The following PBX1 variants were observed in gnomAD, a reference collection of about 807,000 sequenced individuals.
The protein encoded by PBX1 is PBX homeobox 1.
In PBX1, 6 loss-of-function variants were observed where a neutral mutation model predicts 53.4. That is an observed-to-expected ratio of 0.11 (90% CI 0.06 to 0.22). The LOEUF is 0.22. Ranked by LOEUF, PBX1 falls within the 10% of genes least tolerant of loss-of-function variation. The probability of loss-of-function intolerance (pLI) is 1.00; values close to 1 mark genes in which losing one functional copy is unlikely to be tolerated. For missense variants in PBX1, 251 were observed against 551.4 expected (o/e 0.46, Z 5.46); for synonymous variants, 204 against 212.3 (o/e 0.96, Z 0.34).
chr1:164,599,063 T>C (rs745786109), intron 2 of PBX1, among the ~76,000 whole-genome samples: 8 of 121,424 alleles, frequency 6.6e-5, no homozygotes, highest in East Asian at 2.3e-4. Context: ...GTCTCTTTTT[T>C]CCTCCTGATT....
chr1:164,741,739 A>AGTGTGTGTGT (rs57771496), intron 2 of PBX1, among the ~76,000 whole-genome samples: 13,299 of 140,716 alleles, frequency 0.095, 706 homozygotes, highest in East Asian at 0.16. Context: ...TGTATGAGTG[A>AGTGTGTGTGT]GTGTGTGTGT....
chr1:164,675,700 G>A (rs1194586173), intron 2 of PBX1, among the ~76,000 whole-genome samples: 4 of 152,064 alleles, frequency 2.6e-5, no homozygotes, highest in African/African-American at 9.7e-5. Flanking sequence ...TTATGAATAA[G>A]CTCCAGGACT....
intron 2 of PBX1, among the ~76,000 whole-genome samples, chr1:164,588,473 CTTTTTTTTTTTTTTT>C (rs371768861): frequency 2.7e-5 from 2 of 73,048 alleles, no homozygotes; most frequent in African/African-American, 4.0e-5. Context: ...CCGGACTAAG[CTTTTTTTTTTTTTTT>C]TTTTTTTTTT....
intron 8 of PBX1, among the ~76,000 whole-genome samples, chr1:164,835,883 C>A (rs1671013251): frequency 6.6e-6 from 1 of 152,146 alleles, no homozygotes; most frequent in South Asian, 2.1e-4. Context: ...ATTAACCCTA[C>A]AATCTGAACT....
intron 8 of PBX1, among the ~76,000 whole-genome samples, chr1:164,825,269 C>T (rs1159875261): frequency 6.6e-6 from 1 of 152,178 alleles, no homozygotes; most frequent in African/African-American, 2.4e-5. Flanking sequence ...TCCTTCGTGT[C>T]TTTCTTCTTC....
At chr1:164,748,307 C>T (rs1293199380) in intron 2 of PBX1, among the ~76,000 whole-genome samples, 2 of 152,138 alleles carry the variant, frequency 1.3e-5, no homozygotes, top group African/African-American at 4.8e-5. Context: ...TTCCTCGCCT[C>T]ACGTTTCCTG....
Position 164,847,133 on chromosome 1 carries a change from A to G in PBX1, c.*457A>G. 9.2e-7 allele frequency: 1 copy of G among 1,092,040 alleles called. No homozygotes were observed. Among genetic ancestry groups the G allele is most frequent in the Non-Finnish European group, 1.1e-6 (1 of 892,998 alleles). The allele number at this position is 1,092,040 out of a possible 1,614,324, so 67.6% of individuals were successfully genotyped here. ...CGAATCCCTCACTCCCTATGTTAAC[A>G]GGCAATCCTTCTCTGTTTCTCTTAT... On this transcript the variant is annotated 3_prime_UTR_variant, in exon 9 of 9. Transcript: ENST00000420696.
intron 7 of PBX1, among the ~76,000 whole-genome samples, chr1:164,820,963 C>T (rs971125698): frequency 7.2e-5 from 11 of 152,144 alleles, no homozygotes; most frequent in African/African-American, 2.4e-4. Context: ...AACTGGTCAG[C>T]GATTCACCCC....
intron 2 of PBX1, among the ~76,000 whole-genome samples, chr1:164,592,991 T>C (rs184848855): frequency 1.3e-5 from 2 of 151,794 alleles, no homozygotes; most frequent in East Asian, 3.9e-4. Flanking sequence ...AGAGTCTTGC[T>C]CTGTAGCCCA....
At position 164,811,939 on chromosome 1, in the gene PBX1, T is replaced by C. The variant is rs377149906; in HGVS notation, c.838-51T>C. The C allele has an allele frequency of 1.4e-4, 209 of 1,528,034 alleles. 1 individual carries two copies. The African/African-American group carries it at 2.2e-3, about 16-fold the overall frequency. 94.7% of individuals were successfully genotyped at this position (1,528,034 alleles called of 1,614,324 possible). On this transcript the variant is annotated intron_variant, in intron 5 of 8. Transcript: ENST00000420696. ...AAAGCCTTTTTTTTCTTCTGCAATGTTTCTGAAGGATGAAATGTGAACTTT... is the reference window on the plus strand; with the variant it reads ...AAAGCCTTTTTTTTCTTCTGCAATGCTTCTGAAGGATGAAATGTGAACTTT...
chr1:164,837,008 T>C (rs1388052665), intron 8 of PBX1, among the ~76,000 whole-genome samples: 1 of 152,198 alleles, frequency 6.6e-6, no homozygotes, highest in Non-Finnish European at 1.5e-5. Flanking sequence ...TGTCTCTCTT[T>C]ACACGGCATG....
chr1:164,646,815 G>C (rs912371764), intron 2 of PBX1, among the ~76,000 whole-genome samples: 3 of 152,226 alleles, frequency 2.0e-5, no homozygotes, highest in Non-Finnish European at 2.9e-5. Context: ...TTTCACAGAG[G>C]TGTGTTTGCT....
At chr1:164,879,919 A>G (rs756781232) in intron 2 of PBX1, among the ~76,000 whole-genome samples, 1 of 152,114 alleles carries the variant, frequency 6.6e-6, no homozygotes, top group Non-Finnish European at 1.5e-5. Context: ...GTGCTCCTTT[A>G]CCTTAGTTGG....
At chr1:164,600,541 G>A (rs535079147) in intron 2 of PBX1, among the ~76,000 whole-genome samples, 208 of 152,270 alleles carry the variant, frequency 1.4e-3, no homozygotes, top group Non-Finnish European at 2.4e-3. Flanking sequence ...GAGCCACTGC[G>A]CCTAGCCTAC....
intron 2 of PBX1, among the ~76,000 whole-genome samples, chr1:164,792,076 CA>C (rs1294614572): frequency 6.6e-6 from 1 of 152,152 alleles, no homozygotes; most frequent in Non-Finnish European, 1.5e-5. Flanking sequence ...ACCCCCCACT[CA>C]GCCTCCCAAA....
chr1:164,740,690 C>T (rs1452996132), intron 2 of PBX1, among the ~76,000 whole-genome samples: 1 of 152,196 alleles, frequency 6.6e-6, no homozygotes, highest in Non-Finnish European at 1.5e-5. Flanking sequence ...ATTGAATGTG[C>T]ATCTATTATG....
In PBX1 at chr1:164,633,099, A is replaced by G. The variant is rs555035847; in HGVS notation, c.265+69788A>G. Among the ~76,000 whole-genome samples the G allele has an allele frequency of 1.2e-4, 18 of 152,210 alleles. No individual in the cohort carries two copies. The South Asian group carries it at 3.7e-3, about 32-fold the overall frequency. On this transcript the variant is annotated intron_variant, in intron 2 of 8. Transcript: ENST00000420696. ...CATCCTCAATGTAGAATGTCCTTGA[A>G]TGGATGATGTTACTGACTTCTTTTC... is the stretch of plus-strand genomic sequence containing the variant.
intron 2 of PBX1, among the ~76,000 whole-genome samples, chr1:164,721,046 C>G (rs1367801876): frequency 6.6e-6 from 1 of 152,154 alleles, no homozygotes; most frequent in African/African-American, 2.4e-5. Flanking sequence ...TTTACTTGAA[C>G]CAGTGAGAAG....
intron 2 of PBX1, among the ~76,000 whole-genome samples, chr1:164,721,638 T>A (rs1664410010): frequency 6.6e-6 from 1 of 152,146 alleles, no homozygotes; most frequent in South Asian, 2.1e-4. Flanking sequence ...GTGTGAAAAA[T>A]CGAGTTACCA....
Sources: gnomAD v4.1 joint callset for allele counts (sites outside exome capture counted in the v4.1 genomes callset) on GRCh38, gnomAD v4.1.1 for gene constraint, MANE v1.5 for transcripts, NCBI Gene and HGNC (gene_info 2026-07-23, HGNC 2026-07-21) for gene names.